DYNC2I1: variants seen among roughly 807,000 people sequenced by gnomAD.
DYNC2I1 encodes the protein dynein 2 intermediate chain 1.
A neutral mutation model predicts 133.4 loss-of-function variants in DYNC2I1; 89 were observed. The ratio of observed to expected loss-of-function variants is 0.67; its 90% CI spans 0.56 to 0.80. The LOEUF (loss-of-function observed/expected upper bound fraction) is 0.80. Ranked by LOEUF, DYNC2I1 falls within the 30% of genes least tolerant of loss-of-function variation. The pLI is 0.00. For missense variants in DYNC2I1, 1,291 were observed against 1,314.5 expected (o/e 0.98, Z 0.28); for synonymous variants, 504 against 484.3 (o/e 1.04, Z -0.54).
chr7:158,954,974 C>T (rs1852163938), intron 4 of DYNC2I1, among the ~76,000 whole-genome samples: 1 of 152,088 alleles, frequency 6.6e-6, no homozygotes, highest in African/African-American at 2.4e-5. Flanking sequence ...CTTCTCCTCC[C>T]TCCAGAGAAA....
chr7:158,956,273 C>G (rs1407683939), intron 4 of DYNC2I1, among the ~76,000 whole-genome samples: 1 of 152,198 alleles, frequency 6.6e-6, no homozygotes. Flanking sequence ...GTGTCCAGCA[C>G]GACCCTGAAT....
At position 158,871,531 on chromosome 7, in the gene DYNC2I1, C is replaced by T. The variant is rs1447523623; in HGVS notation, c.459C>T (p.Leu153=). ...LLGQETRDRQ[L]LERAERKGRS... ...GCCAGGAGACACGCGACCGGCAGCT[C>T]CTGGAGCGGGCGGAGAGGAAAGGCC... Residue 153 remains leucine (L), a synonymous_variant, in exon 3 of 25, where the codon CTC becomes CTT. Coordinates refer to ENST00000407559, the MANE Select transcript of DYNC2I1 (RefSeq NM_018051.5). 4 of 1,543,448 alleles carry T rather than the reference C, an allele frequency of 2.6e-6. No homozygotes were observed. In the South Asian group the frequency reaches 3.6e-5, roughly 14 times the overall value.
intron 7 of DYNC2I1, among the ~76,000 whole-genome samples, chr7:158,889,688 A>G (rs1465482028): frequency 3.3e-5 from 5 of 151,798 alleles, no homozygotes; most frequent in Middle Eastern, 3.4e-3. Context: ...CCTCATCTAT[A>G]TAAAAACAAC....
chr7:158,919,965 A>AGT (rs1384818114), intron 15 of DYNC2I1, among the ~76,000 whole-genome samples: 1 of 152,040 alleles, frequency 6.6e-6, no homozygotes, highest in Non-Finnish European at 1.5e-5. Context: ...GAACACGTGA[A>AGT]GTGTGTGTGT....
chr7:158,885,718 T>C (rs1454327221), intron 6 of DYNC2I1, among the ~76,000 whole-genome samples: 2 of 152,248 alleles, frequency 1.3e-5, no homozygotes, highest in African/African-American at 2.4e-5. Flanking sequence ...TTTCAAAGAT[T>C]AGAAAACCCA....
chr7:158,917,452 T>C (rs2527227), intron 14 of DYNC2I1, among the ~76,000 whole-genome samples: 75 of 9,908 alleles, frequency 7.6e-3, no homozygotes, highest in Non-Finnish European at 8.9e-3. Context: ...GCTAAACACC[T>C]CCTGTCCTCC....
chr7:158,898,305 T>C (rs1461241297), intron 8 of DYNC2I1, among the ~76,000 whole-genome samples: 3 of 152,218 alleles, frequency 2.0e-5, no homozygotes. Context: ...GTTCTGCCTG[T>C]TGGATTTGTC....
intron 15 of DYNC2I1, among the ~76,000 whole-genome samples, chr7:158,921,375 A>G (rs937780363): frequency 1.3e-5 from 2 of 152,176 alleles, no homozygotes; most frequent in Admixed American, 1.3e-4. Context: ...GTTGGTTGCC[A>G]TATCATAGTT....
chr7:158,844,746 C>T, the DYNC2I1 span, among the ~76,000 whole-genome samples: 3 of 152,044 alleles, frequency 2.0e-5, no homozygotes, highest in African/African-American at 7.2e-5. Flanking sequence ...CTCAGCCTCT[C>T]GAGTAGCTGG....
At chr7:158,844,064 A>G in the DYNC2I1 span, among the ~76,000 whole-genome samples, 1 of 152,210 alleles carries the variant, frequency 6.6e-6, no homozygotes, top group Non-Finnish European at 1.5e-5. Flanking sequence ...TATATTTTGC[A>G]TGAAATAAAG....
chr7:158,880,406 A>G (rs1843883478), intron 5 of DYNC2I1, among the ~76,000 whole-genome samples: 1 of 151,976 alleles, frequency 6.6e-6, no homozygotes, highest in Admixed American at 6.6e-5. Flanking sequence ...GCATGGTGGT[A>G]GGTGCCTATA....
chr7:158,847,806 C>T, the DYNC2I1 span, among the ~76,000 whole-genome samples: 3 of 152,160 alleles, frequency 2.0e-5, no homozygotes, highest in African/African-American at 7.2e-5. Flanking sequence ...AAAAAAGTGA[C>T]TTCTGAGACC....
At chr7:158,916,571 C>G (rs371706672) in intron 14 of DYNC2I1, among the ~76,000 whole-genome samples, 6 of 46,608 alleles carry the variant, frequency 1.3e-4, no homozygotes, top group African/African-American at 3.0e-4. Context: ...CGCTGGTTGA[C>G]ATTAAGGATG....
At chr7:158,911,934 G>T (rs1847523777) in intron 12 of DYNC2I1, among the ~76,000 whole-genome samples, 1 of 152,214 alleles carries the variant, frequency 6.6e-6, no homozygotes, top group Non-Finnish European at 1.5e-5. Context: ...GGACAGAATG[G>T]CTGCTGTCCT....
chr7:158,934,626 G>A, intron 23 of DYNC2I1, 77 bp downstream of exon 23: 1 of 1,437,760 alleles, frequency 7.0e-7, no homozygotes, highest in South Asian at 1.3e-5. Flanking sequence ...TGTCACCCAA[G>A]CTGGAGTGCA....
In DYNC2I1 at chr7:158,891,392, A is replaced by T. The variant is rs193215755; in HGVS notation, c.1059+59A>T. 4,403 of 1,594,448 alleles carry T rather than the reference A, an allele frequency of 2.8e-3. 18 individuals carry two copies. Among genetic ancestry groups the T allele is most frequent in the South Asian group, 6.6e-3 (597 of 90,682 alleles). ...CCTGTCCCAGCACAGACCCACTCAC[A>T]TTTGCTTGCTTTCCTGTCAGCATTT... is the stretch of plus-strand genomic sequence containing the variant. On this transcript the variant is annotated intron_variant, in intron 8 of 24. Coordinates refer to ENST00000407559, the MANE Select transcript of DYNC2I1 (RefSeq NM_018051.5).
chr7:158,920,672 G>T (rs535168350), intron 15 of DYNC2I1, among the ~76,000 whole-genome samples: 3 of 152,350 alleles, frequency 2.0e-5, no homozygotes, highest in South Asian at 4.1e-4. Context: ...CATGTTCAAG[G>T]AGTGGAGGGT....
At chr7:158,890,471 T>C (rs1845095352) in intron 7 of DYNC2I1, among the ~76,000 whole-genome samples, 1 of 152,202 alleles carries the variant, frequency 6.6e-6, no homozygotes, top group Admixed American at 6.5e-5. Context: ...CTTCAGCATT[T>C]ATGGAGTGCC....
chr7:158,887,545 A>G (rs548565430), intron 7 of DYNC2I1, among the ~76,000 whole-genome samples: 1 of 152,360 alleles, frequency 6.6e-6, no homozygotes, highest in African/African-American at 2.4e-5. Flanking sequence ...ACTTTCAGTA[A>G]CAGGTAGGAC....
Sources: gnomAD v4.1 joint callset for allele counts (sites outside exome capture counted in the v4.1 genomes callset) on GRCh38, gnomAD v4.1.1 for gene constraint, MANE v1.5 for transcripts, NCBI Gene and HGNC (gene_info 2026-07-23, HGNC 2026-07-21) for gene names.